The following CATSPERE variants were observed in gnomAD, a reference collection of about 807,000 sequenced individuals.
CATSPERE encodes the protein cation channel sperm-associated auxiliary subunit epsilon.
A neutral mutation model predicts 114.1 loss-of-function variants in CATSPERE; 93 were observed. That is an observed-to-expected ratio of 0.81 (90% CI 0.69 to 0.97). The LOEUF is 0.97. Ranked by LOEUF, CATSPERE falls within the 50% of genes least tolerant of loss-of-function variation. CATSPERE has a pLI of 0.00. For synonymous variants in CATSPERE, 341 were observed against 384.1 expected, an observed-to-expected ratio of 0.89 and a Z score of 1.31; for missense variants, 1,058 against 1,131.6, an observed-to-expected ratio of 0.93 and a Z score of 0.93.
At chr1:244,593,271 A>G (rs1667962610) in intron 15 of CATSPERE, 124 bp from the exon 16 acceptor site, 1 of 925,428 alleles carries the variant, frequency 1.1e-6, no homozygotes, top group Non-Finnish European at 1.7e-6. Context: ...AAAGTGCCTC[A>G]GTATTTCATA....
At chr1:244,451,595 T>C, upstream of CATSPERE, 1 of 1,568,518 alleles carries the variant, frequency 6.4e-7, no homozygotes, top group African/African-American at 1.4e-5. This position sits in a 1 kb window ranked among gnomAD's most constrained non-coding sequence, Gnocchi z 6.6. Context: ...CAGCCCGAGC[T>C]CCCGGGCCCG....
chr1:244,451,601 G>A (rs1470437042), upstream of CATSPERE: 13 of 1,578,876 alleles, frequency 8.2e-6, no homozygotes, highest in Non-Finnish European at 1.0e-5. This position sits in a 1 kb window ranked among gnomAD's most constrained non-coding sequence, Gnocchi z 6.6. Context: ...GAGCTCCCGG[G>A]CCCGGCTTCC....
intron 9 of CATSPERE, among the ~76,000 whole-genome samples, chr1:244,553,196 G>C (rs755759916): frequency 6.6e-6 from 1 of 152,178 alleles, no homozygotes; most frequent in South Asian, 2.1e-4. Flanking sequence ...CGGGGTATCC[G>C]TCTCCTTCAG....
At position 244,552,630 on chromosome 1, in the gene CATSPERE, A is replaced by T; in HGVS notation, c.845A>T (p.Asp282Val). The T allele has an allele frequency of 6.2e-7, 1 of 1,614,188 alleles. No homozygotes were observed. The highest frequency in any genetic ancestry group is 1.7e-5 in the Admixed American group (1 of 60,026). The part of the protein sequence containing the change: ...IRVPPDILSD[D>V]ERRSVAHVIL... ...GTGCCTCCAGACATTCTGAGTGATGATGAAAGACGGAGTGTGGCTCATGTG... is the reference window on the plus strand; with the variant it reads ...GTGCCTCCAGACATTCTGAGTGATGTTGAAAGACGGAGTGTGGCTCATGTG... The change falls in exon 9 of 22, where the codon GAT (aspartate) becomes GTT (valine). Residue 282 changes from aspartate (D) to valine (V), a missense_variant. Physicochemically the swap from Asp to Val is radical, Grantham distance 152. This residue lies in a region of CATSPERE where 787 missense variants were observed against 905.6 expected (regional missense o/e 0.87). Transcript: ENST00000366534.
chr1:244,518,696 G>T lies in CATSPERE; in HGVS notation c.534G>T (p.Arg178Ser). The T allele has an allele frequency of 6.8e-7, 1 of 1,460,752 alleles. No homozygotes were observed. The highest frequency in any genetic ancestry group is 9.3e-7 in the Non-Finnish European group (1 of 1,075,700). 90.5% of individuals were successfully genotyped at this position (1,460,752 alleles called of 1,614,324 possible). A position where few individuals can be genotyped will look rare whatever the true frequency, so the allele number is the denominator to read the frequency against. ...KVYSSNEKMRRGTWRIVVPMT... is the reference protein window; with the variant it reads ...KVYSSNEKMRSGTWRIVVPMT... ...ATTCTTCAAATGAGAAAATGAGAAG[G>T]GGGTATTTAATTTTTTTTAATTTTA... is the stretch of plus-strand genomic sequence containing the variant. The change falls in exon 8 of 22, where the codon AGG (arginine) becomes AGT (serine). Residue 178 changes from arginine (R) to serine (S), a missense_variant and splice_region_variant. Arg to Ser is a moderately radical substitution (Grantham distance 110, BLOSUM62 -1). Coordinates refer to ENST00000366534, the MANE Select transcript of CATSPERE (RefSeq NM_001130957.2).
intron 8 of CATSPERE, among the ~76,000 whole-genome samples, chr1:244,545,222 C>A (rs1659547426): frequency 6.6e-6 from 1 of 152,188 alleles, no homozygotes; most frequent in Non-Finnish European, 1.5e-5. Context: ...TGGCATGAGA[C>A]CTATCAGGAT....
rs1183489431 is a variant in CATSPERE, at chr1:244,610,343, C to G, written c.2490+17C>G. 4 of 1,561,502 alleles carry G rather than the reference C, an allele frequency of 2.6e-6. No individual in the cohort carries two copies. Among genetic ancestry groups the G allele is most frequent in the Admixed American group, 3.3e-5 (2 of 59,768 alleles). Reference sequence around the variant, plus strand: ...GGACCTGAGGTAAGAGAAACATTACCTTCCAGATTGTTTATTTGGAATAAC... The same window carrying G: ...GGACCTGAGGTAAGAGAAACATTACGTTCCAGATTGTTTATTTGGAATAAC... On this transcript the variant is annotated intron_variant, in intron 19 of 21. Coordinates refer to ENST00000366534, the MANE Select transcript of CATSPERE (RefSeq NM_001130957.2).
rs745950780 is a variant in CATSPERE, at chr1:244,463,896, C to A, written c.66-12C>A. On this transcript the variant is annotated splice_polypyrimidine_tract_variant and intron_variant, in intron 1 of 21. Coordinates refer to ENST00000366534, the MANE Select transcript of CATSPERE (RefSeq NM_001130957.2). The stretch of plus-strand genomic sequence containing the variant: ...TAGTTTTAATATTTATACTTGGCCT[C>A]TTCCTCCACAGGTATTCCACTAACA... The A allele has an allele frequency of 5.7e-6, 9 of 1,587,554 alleles. No homozygotes were observed. The South Asian group carries it at 1.0e-4, about 18-fold the overall frequency.
At chr1:244,472,352 CT>C (rs1003672435) in intron 2 of CATSPERE, among the ~76,000 whole-genome samples, 4 of 152,176 alleles carry the variant, frequency 2.6e-5, no homozygotes, top group African/African-American at 9.7e-5. Flanking sequence ...TACATTTTGG[CT>C]TGAATTCTAC....
At chr1:244,625,232 C>A (rs1028657930) in intron 20 of CATSPERE, among the ~76,000 whole-genome samples, 1 of 150,950 alleles carries the variant, frequency 6.6e-6, no homozygotes, top group Non-Finnish European at 1.5e-5. Flanking sequence ...TCGTGGGTTG[C>A]AGAATGAATA....
intron 8 of CATSPERE, among the ~76,000 whole-genome samples, chr1:244,529,005 G>T (rs1679169111): frequency 1.3e-5 from 2 of 152,140 alleles, no homozygotes. Flanking sequence ...CACGTGACAG[G>T]ATCTCATTCT....
At chr1:244,594,842 C>G (rs1009658743) in intron 17 of CATSPERE, among the ~76,000 whole-genome samples, 2 of 152,178 alleles carry the variant, frequency 1.3e-5, no homozygotes, top group African/African-American at 4.8e-5. Context: ...CATGGCACTT[C>G]TAAGACTCTA....
intron 7 of CATSPERE, among the ~76,000 whole-genome samples, chr1:244,514,556 G>A (rs546013475): frequency 2.6e-5 from 4 of 152,178 alleles, no homozygotes; most frequent in South Asian, 4.1e-4. Flanking sequence ...TGGGCCGGGC[G>A]CGGTGGCTCA....
At chr1:244,610,500 G>A (rs774701890) in intron 19 of CATSPERE, 174 bp downstream of exon 19, 4 of 696,896 alleles carry the variant, frequency 5.7e-6, no homozygotes, top group African/African-American at 1.8e-5. Flanking sequence ...CTTAATTTCT[G>A]TGTGATCTTT....
intron 20 of CATSPERE, among the ~76,000 whole-genome samples, chr1:244,622,408 T>C (rs2148722742): frequency 6.8e-6 from 1 of 147,022 alleles, no homozygotes; most frequent in South Asian, 2.2e-4. Context: ...TTTCTTTTTT[T>C]TTTTTTTTTT....
At chr1:244,495,072 A>G (rs534621125) in intron 6 of CATSPERE, among the ~76,000 whole-genome samples, 6 of 152,352 alleles carry the variant, frequency 3.9e-5, no homozygotes, top group South Asian at 2.1e-4. Context: ...AAATGCCTAT[A>G]GAAAATATAT....
chr1:244,597,040 C>T (rs1460624142), intron 17 of CATSPERE, among the ~76,000 whole-genome samples: 2 of 152,164 alleles, frequency 1.3e-5, no homozygotes, highest in African/African-American at 2.4e-5. Flanking sequence ...GCTAGATCCC[C>T]ACCGGTTTTC....
chr1:244,507,265 A>G (rs1674968253), intron 7 of CATSPERE, among the ~76,000 whole-genome samples: 1 of 152,152 alleles, frequency 6.6e-6, no homozygotes, highest in African/African-American at 2.4e-5. Context: ...CCTTTGGATA[A>G]ATACCTAGTA....
At chr1:244,609,087 G>A (rs1188243681) in intron 18 of CATSPERE, among the ~76,000 whole-genome samples, 2 of 152,230 alleles carry the variant, frequency 1.3e-5, no homozygotes, top group African/African-American at 4.8e-5. Flanking sequence ...TCGGGAGGCT[G>A]AGGCAGGAGA....
Sources: allele counts gnomAD v4.1 joint callset (sites outside exome capture counted in the v4.1 genomes callset), GRCh38; gene constraint gnomAD v4.1.1; regional missense constraint gnomAD v4.1.1; non-coding constraint Gnocchi (gnomAD v3.1); transcripts MANE v1.5; gene names NCBI Gene and HGNC (gene_info 2026-07-23, HGNC 2026-07-21).